Variants in RARS2 observed in about 807,000 individuals in gnomAD.
RARS2 encodes probable arginine--tRNA ligase, mitochondrial.
A neutral mutation model predicts 88.5 loss-of-function variants in RARS2; 67 were observed. The ratio of observed to expected loss-of-function variants is 0.76; its 90% confidence interval spans 0.62 to 0.93. RARS2 has a LOEUF of 0.93. Among genes scored for constraint, RARS2 ranks in the 40% least tolerant of loss-of-function variants. RARS2 has a pLI of 0.00. For synonymous variants in RARS2, 239 were observed against 230.3 expected (o/e 1.04, Z -0.34); for missense variants, 664 against 684.2 (o/e 0.97, Z 0.33).
rs1006914549 is a variant in RARS2, at chr6:87,555,406, A to G, written c.395+2T>C. Reference sequence around the variant, plus strand: ...CAACACATAAAAGGGGTGCACCCTCACCTGAATTCAACCACAATCTTCTTC... The same window carrying G: ...CAACACATAAAAGGGGTGCACCCTCGCCTGAATTCAACCACAATCTTCTTC... On this transcript the variant is annotated splice_donor_variant, in intron 5 of 19. Coordinates refer to ENST00000369536, the MANE Select transcript of RARS2 (RefSeq NM_020320.5). LOFTEE classifies it high-confidence loss of function. 1.2e-6 allele frequency: 2 copies of G among 1,611,708 alleles called. No individual in the cohort carries two copies. Among genetic ancestry groups the G allele is most frequent in the African/African-American group, 2.7e-5 (2 of 74,864 alleles).
intron 5 of RARS2, among the ~76,000 whole-genome samples, chr6:87,553,848 A>T (rs1313248355): frequency 6.6e-6 from 1 of 152,204 alleles, no homozygotes. Context: ...AGAGTCATTC[A>T]TAATATGTGT....
At chr6:87,553,930 G>T (rs566899092) in intron 5 of RARS2, among the ~76,000 whole-genome samples, 260 of 152,210 alleles carry the variant, frequency 1.7e-3, no homozygotes, top group African/African-American at 6.0e-3. Context: ...CTCTTAGAGG[G>T]TCTGCCTTCT....
intron 3 of RARS2, among the ~76,000 whole-genome samples, chr6:87,563,514 A>C (rs994346259): frequency 1.3e-5 from 2 of 152,152 alleles, no homozygotes; most frequent in African/African-American, 4.8e-5. Flanking sequence ...CATTGTTCCA[A>C]TTCTTTTGAG....
chr6:87,518,679 G>A lies in RARS2; in HGVS notation c.1366C>T (p.Arg456Cys), dbSNP rs147844153. 218 of 1,613,898 alleles carry A rather than the reference G, an allele frequency of 1.4e-4. No individual in the cohort carries two copies. Among genetic ancestry groups the A allele is most frequent in the Non-Finnish European group, 6.9e-5 (81 of 1,179,970 alleles). The change falls in exon 16 of 20, where the codon CGC becomes TGC. Residue 456 changes from arginine (R) to cysteine (C), a missense_variant. Coordinates refer to ENST00000369536, the MANE Select transcript of RARS2 (RefSeq NM_020320.5). Reference protein sequence around the residue: ...KFSWDRVFQSRGDTGVFLQYT... With the variant: ...KFSWDRVFQSCGDTGVFLQYT... ...TGTAGGAAGACTCCTGTGTCCCCGC[G>A]ACTCTGGAAAACACGATCCCAGCTG... is the stretch of plus-strand genomic sequence containing the variant.
chr6:87,519,218 A>C (rs532247863), intron 14 of RARS2: 1 of 180,702 alleles, frequency 5.5e-6, no homozygotes. Context: ...GTATATATAT[A>C]TATCTATATA....
chr6:87,562,352 T>C (rs1489276828), intron 4 of RARS2, among the ~76,000 whole-genome samples: 1 of 152,228 alleles, frequency 6.6e-6, no homozygotes, highest in Non-Finnish European at 1.5e-5. Context: ...TAATAGTGTC[T>C]GTATACTTAA....
At chr6:87,521,588 T>A in intron 11 of RARS2, 64 bp from the exon 12 acceptor site, 2 of 1,254,770 alleles carry the variant, frequency 1.6e-6, no homozygotes, top group Non-Finnish European at 2.3e-6. Flanking sequence ...TGGTCTTACC[T>A]ATTTAATAGC....
intron 8 of RARS2, among the ~76,000 whole-genome samples, chr6:87,533,190 A>T (rs2128074501): frequency 6.6e-6 from 1 of 152,270 alleles, no homozygotes; most frequent in South Asian, 2.1e-4. Flanking sequence ...ACATTTAAAA[A>T]TCTATTATGC....
chr6:87,576,572 G>A (rs893211639), intron 1 of RARS2, among the ~76,000 whole-genome samples: 13 of 151,540 alleles, frequency 8.6e-5, no homozygotes, highest in Admixed American at 4.0e-4. Context: ...CACCGCGCCC[G>A]GCCAACACAA....
chr6:87,549,552 TA>T (rs34784229), intron 5 of RARS2, among the ~76,000 whole-genome samples: 310 of 139,772 alleles, frequency 2.2e-3, no homozygotes, highest in African/African-American at 3.5e-3. Context: ...TCTGTAAAAT[TA>T]AAAAAAAAAA....
rs979392313 is a variant in RARS2 at position 87,530,999 on chromosome 6, C to A, written c.613-57G>T. 8.7e-6 allele frequency: 14 copies of A among 1,604,008 alleles called. No homozygotes were observed. The East Asian group carries it at 3.1e-4, about 36-fold the overall frequency. On this transcript the variant is annotated intron_variant, in intron 8 of 19. Transcript: ENST00000369536. Reference sequence around the variant, plus strand: ...CATAACAGGTCATTGTTATCTCTAACACGGAAAGAAAGCAAAAAAAGCACA... The same window carrying A: ...CATAACAGGTCATTGTTATCTCTAAAACGGAAAGAAAGCAAAAAAAGCACA...
chr6:87,536,221 T>A (rs1183211055), intron 8 of RARS2, among the ~76,000 whole-genome samples: 1 of 152,208 alleles, frequency 6.6e-6, no homozygotes, highest in Middle Eastern at 3.2e-3. Flanking sequence ...ATTCAAATAA[T>A]TTAAATCTAA....
intron 8 of RARS2, among the ~76,000 whole-genome samples, chr6:87,532,556 G>T (rs150822331): frequency 6.6e-6 from 1 of 152,320 alleles, no homozygotes; most frequent in East Asian, 1.9e-4. Context: ...TTTGCTGCTG[G>T]AAGTATGTGC....
intron 17 of RARS2, among the ~76,000 whole-genome samples, chr6:87,517,362 T>C (rs1378114408): frequency 6.6e-6 from 1 of 152,228 alleles, no homozygotes; most frequent in Non-Finnish European, 1.5e-5. Flanking sequence ...CCAAATTCTT[T>C]GATGGCAGGG....
intron 8 of RARS2, among the ~76,000 whole-genome samples, chr6:87,537,288 G>A (rs763078506): frequency 1.4e-4 from 21 of 152,180 alleles, no homozygotes; most frequent in Admixed American, 5.2e-4. Context: ...AAAATTCTAT[G>A]TACATAATTA....
chr6:87,516,837 TG>T lies in RARS2; in HGVS notation c.1554del (p.Arg519GlyfsTer8), dbSNP rs754610170. ...VLYKSSQDFQ[P>X]RHIVSYLLTL... ...GTTAGAAGGTAACTGACGATATGCC[TG>T]GGTTGAAAGTCCTGAGATGATTTAT... On this transcript the variant is annotated frameshift_variant, in exon 18 of 20. Coordinates refer to ENST00000369536, the MANE Select transcript of RARS2 (RefSeq NM_020320.5). LOFTEE classifies it high-confidence loss of function. The T allele has an allele frequency of 2.5e-5, 40 of 1,613,778 alleles. No homozygotes were observed. The highest frequency in any genetic ancestry group is 3.3e-5 in the Admixed American group (2 of 60,002).
In RARS2 at chr6:87,539,179, CAT is replaced by C. The variant is rs1385074436; in HGVS notation, c.612+2737_612+2738del. On this transcript the variant is annotated intron_variant, in intron 8 of 19. Coordinates refer to ENST00000369536, the MANE Select transcript of RARS2 (RefSeq NM_020320.5). ...AGAAAGATAAAAAGAATAACTCTCA[CAT>C]GTCATGCTGCACTCTAAATCAATGA... Among the ~76,000 whole-genome samples the C allele has an allele frequency of 2.6e-5, 4 of 152,278 alleles. No individual in the cohort carries two copies. The East Asian group carries it at 5.8e-4, about 22-fold the overall frequency.
chr6:87,589,652 A>T (rs1776393161), intron 1 of RARS2: 1 of 984,750 alleles, frequency 1.0e-6, no homozygotes, highest in Non-Finnish European at 1.2e-6. Context: ...CACCCAGGTA[A>T]AGCATTCATA....
chr6:87,576,556 G>A (rs1234592984), intron 1 of RARS2, among the ~76,000 whole-genome samples: 2 of 151,262 alleles, frequency 1.3e-5, no homozygotes, highest in Middle Eastern at 3.4e-3. Context: ...GATTACAGGC[G>A]TGAGCCACCG....
Sources: allele counts gnomAD v4.1 joint callset (sites outside exome capture counted in the v4.1 genomes callset), GRCh38; gene constraint gnomAD v4.1.1; transcripts MANE v1.5; gene names NCBI Gene and HGNC (gene_info 2026-07-23, HGNC 2026-07-21).